The following DMXL2 variants were observed in gnomAD, a reference collection of about 807,000 sequenced individuals.
DMXL2 encodes Dmx like 2.
In DMXL2, 103 loss-of-function variants were observed where a neutral mutation model predicts 331.1. The ratio of observed to expected loss-of-function variants is 0.31; its 90% CI spans 0.27 to 0.37. The LOEUF is 0.37. Ranked by LOEUF, DMXL2 falls within the 10% of genes least tolerant of loss-of-function variation. The pLI is 1.00. For missense variants in DMXL2, 3,171 were observed against 3,642.9 expected (o/e 0.87, Z 3.33); for synonymous variants, 1,281 against 1,252.1 (o/e 1.02, Z -0.49).
chr15:51,476,752 TGA>T (rs1595942084), intron 26 of DMXL2, 33 bp from the exon 27 acceptor site: 1 of 1,543,034 alleles, frequency 6.5e-7, no homozygotes, highest in East Asian at 2.4e-5. Flanking sequence ...TTTATCATCC[TGA>T]GAGGTAATAA....
At chr15:51,475,512 A>C (rs1463555791) in intron 27 of DMXL2, among the ~76,000 whole-genome samples, 3 of 152,092 alleles carry the variant, frequency 2.0e-5, no homozygotes, top group South Asian at 2.1e-4. Flanking sequence ...AAATAAAATA[A>C]ATAAACATAA....
chr15:51,464,436 C>G (rs1037402262), intron 32 of DMXL2, among the ~76,000 whole-genome samples: 1 of 151,980 alleles, frequency 6.6e-6, no homozygotes, highest in African/African-American at 2.4e-5. Flanking sequence ...AAACACCACA[C>G]CGGAAATTAA....
At chr15:51,462,702 C>A (rs924289003) in intron 33 of DMXL2, among the ~76,000 whole-genome samples, 2 of 152,098 alleles carry the variant, frequency 1.3e-5, no homozygotes, top group Admixed American at 1.3e-4. Context: ...TGCTCATTCC[C>A]TCACTAATTA....
intron 14 of DMXL2, among the ~76,000 whole-genome samples, chr15:51,516,201 A>C (rs1222459819): frequency 6.6e-6 from 1 of 152,190 alleles, no homozygotes; most frequent in Non-Finnish European, 1.5e-5. Context: ...ATTTGGAATA[A>C]ATGTTAGTTC....
chr15:51,486,377 A>G (rs201914379), intron 22 of DMXL2, 40 bp from the exon 23 acceptor site: 104 of 1,402,548 alleles, frequency 7.4e-5, no homozygotes, highest in Non-Finnish European at 9.8e-5. Context: ...ACTTAATGAT[A>G]ATTATTTAGA....
chr15:51,594,527 C>G (rs2052642820), intron 1 of DMXL2, among the ~76,000 whole-genome samples: 1 of 152,142 alleles, frequency 6.6e-6, no homozygotes, highest in African/African-American at 2.4e-5. Context: ...CTATTCCAAT[C>G]AAAAGAAAAA....
At chr15:51,518,557 T>C (rs1219354852) in intron 13 of DMXL2, among the ~76,000 whole-genome samples, 1 of 152,172 alleles carries the variant, frequency 6.6e-6, no homozygotes, top group Non-Finnish European at 1.5e-5. Context: ...TTAATGAGAC[T>C]TCCATAGGAT....
At chr15:51,503,079 C>A (rs985679524) in intron 16 of DMXL2, 46 bp from the exon 17 acceptor site, 1 of 1,220,918 alleles carries the variant, frequency 8.2e-7, no homozygotes, top group Non-Finnish European at 1.2e-6. Context: ...TATATCATTA[C>A]TATAAATAGG....
chr15:51,545,910 T>C (rs1048319963), intron 7 of DMXL2, 144 bp from the exon 8 acceptor site: 1 of 615,242 alleles, frequency 1.6e-6, no homozygotes, highest in East Asian at 2.8e-5. Context: ...TGAAATCATA[T>C]ATAGCATCAC....
rs114230379 is a variant in DMXL2, at chr15:51,608,471, T to C, written c.87+13988A>G. 3.9e-3 allele frequency among the ~76,000 whole-genome samples: 593 copies of C among 152,278 alleles called. 3 individuals are homozygous for C. The highest frequency in any genetic ancestry group is 0.014 in the African/African-American group (564 of 41,552). ...AGAACATGTATGTAGTTGGAGGCCATTATCCTAAGTAAACTAAGGCAGAAA... is the reference window on the plus strand; with the variant it reads ...AGAACATGTATGTAGTTGGAGGCCACTATCCTAAGTAAACTAAGGCAGAAA... On this transcript the variant is annotated intron_variant, in intron 1 of 43. Coordinates refer to ENST00000560891, the MANE Select transcript of DMXL2 (RefSeq NM_001378457.1).
chr15:51,621,881 T>C (rs1029594976), intron 1 of DMXL2, among the ~76,000 whole-genome samples: 1 of 152,128 alleles, frequency 6.6e-6, no homozygotes, highest in African/African-American at 2.4e-5. Flanking sequence ...GCGCGGAGGA[T>C]GAATTTTTCT....
intron 33 of DMXL2, chr15:51,460,455 C>T (rs2040013404): frequency 7.9e-6 from 6 of 755,824 alleles, no homozygotes; most frequent in Non-Finnish European, 9.7e-6. Flanking sequence ...GGCCAAACTG[C>T]TGAAGAATCT....
intron 1 of DMXL2, among the ~76,000 whole-genome samples, chr15:51,589,797 A>G (rs1331308770): frequency 6.6e-6 from 1 of 152,244 alleles, no homozygotes; most frequent in African/African-American, 2.4e-5. Context: ...ATTATGAATT[A>G]AGAGACTATA....
intron 1 of DMXL2, among the ~76,000 whole-genome samples, chr15:51,595,778 C>T (rs967980114): frequency 2.6e-5 from 4 of 152,270 alleles, no homozygotes; most frequent in African/African-American, 7.2e-5. Flanking sequence ...TATCTACAAC[C>T]ATCTGATCTT....
chr15:51,527,065 C>T (rs1458462233), intron 13 of DMXL2, among the ~76,000 whole-genome samples: 1 of 152,114 alleles, frequency 6.6e-6, no homozygotes, highest in African/African-American at 2.4e-5. Flanking sequence ...GCAGACTTAA[C>T]TCAAAGAAGA....
chr15:51,559,028 A>G (rs1055481383), intron 6 of DMXL2, among the ~76,000 whole-genome samples: 1 of 152,230 alleles, frequency 6.6e-6, no homozygotes, highest in African/African-American at 2.4e-5. Context: ...AAAGGAATAC[A>G]CAGCACAAAA....
chr15:51,495,156 T>A (rs1474281545), intron 18 of DMXL2, 22 bp from the exon 19 acceptor site: 4 of 1,533,838 alleles, frequency 2.6e-6, no homozygotes, highest in Non-Finnish European at 3.6e-6. Flanking sequence ...ACAGGAAATA[T>A]GTTTAAGGAA....
intron 13 of DMXL2, among the ~76,000 whole-genome samples, chr15:51,531,702 A>T (rs995809136): frequency 6.6e-5 from 10 of 152,230 alleles, no homozygotes; most frequent in African/African-American, 2.4e-4. Flanking sequence ...TGATCAAAAA[A>T]TGGGCAAAAC....
intron 1 of DMXL2, among the ~76,000 whole-genome samples, chr15:51,578,969 G>A (rs1595594407): frequency 1.3e-5 from 2 of 152,134 alleles, no homozygotes; most frequent in African/African-American, 4.8e-5. Flanking sequence ...GTTGAGCGTG[G>A]TGTCACACGA....
Sources: gnomAD v4.1 joint callset for allele counts (sites outside exome capture counted in the v4.1 genomes callset) on GRCh38, gnomAD v4.1.1 for gene constraint, MANE v1.5 for transcripts, NCBI Gene and HGNC (gene_info 2026-07-23, HGNC 2026-07-21) for gene names.